The following IPP variants were observed in gnomAD, a reference collection of about 807,000 sequenced individuals.
IPP encodes actin-binding protein IPP.
A neutral mutation model predicts 64.1 loss-of-function variants in IPP; 41 were observed. That is an observed-to-expected ratio of 0.64 (90% CI 0.50 to 0.83). The LOEUF (loss-of-function observed/expected upper bound fraction) is 0.83. IPP is among the 40% of genes least tolerant of loss of function. The pLI is 0.00. For missense variants in IPP, 649 were observed against 703.0 expected (o/e 0.92, Z 0.87); for synonymous variants, 214 against 235.2 (o/e 0.91, Z 0.83).
At chr1:45,694,345 G>T (rs1557733024), downstream of IPP, 1 of 824,700 alleles carries the variant, frequency 1.2e-6, no homozygotes, top group African/African-American at 1.7e-5. Flanking sequence ...TAGTATATTA[G>T]TTTTCACTCA....
intron 4 of IPP, 61 bp downstream of exon 4, chr1:45,729,553 T>TA (rs1462107229): frequency 1.1e-5 from 14 of 1,323,760 alleles, no homozygotes; most frequent in Non-Finnish European, 1.3e-5. Flanking sequence ...AACAAAATAT[T>TA]AAAAAGGTTT....
At chr1:45,698,010 T>A (rs1269745308), downstream of IPP, 1 of 150,984 alleles carries the variant, frequency 6.6e-6, no homozygotes, top group East Asian at 2.0e-4. Flanking sequence ...TAGTTAAATT[T>A]TACTGTATGC....
chr1:45,726,086 A>T lies in IPP; in HGVS notation c.1048+1545T>A, dbSNP rs192476843. Among the ~76,000 whole-genome samples, 21 of 136,840 alleles carry T rather than the reference A, an allele frequency of 1.5e-4. No homozygotes were observed. The East Asian group carries it at 3.0e-3, about 19-fold the overall frequency. The allele number at this position is 136,840 out of a possible 152,430, so 89.8% of individuals were successfully genotyped here. A position where few individuals can be genotyped will look rare whatever the true frequency, so the allele number is the denominator to read the frequency against. ...CGAGAAACACCCAAGAATGATCAAT[A>T]AAAAAAATAAATAAATAAATAAATA... On this transcript the variant is annotated intron_variant, in intron 5 of 8. Transcript: ENST00000396478.
At chr1:45,704,457 T>C (rs893050401) in intron 8 of IPP, among the ~76,000 whole-genome samples, 9 of 152,112 alleles carry the variant, frequency 5.9e-5, no homozygotes, top group African/African-American at 2.2e-4. Flanking sequence ...AAGCTGGTCT[T>C]GAACTCCTGA....
intron 8 of IPP, among the ~76,000 whole-genome samples, chr1:45,707,110 T>C (rs1020669012): frequency 6.6e-6 from 1 of 152,112 alleles, no homozygotes; most frequent in Non-Finnish European, 1.5e-5. Context: ...TATCCAAACA[T>C]GACAGAGATG....
chr1:45,746,749 A>T (rs1053035474), intron 1 of IPP, among the ~76,000 whole-genome samples: 33 of 152,208 alleles, frequency 2.2e-4, no homozygotes, highest in African/African-American at 7.7e-4. Context: ...TGATGGAGTA[A>T]AAAAAATAAT....
chr1:45,729,609 C>T lies in IPP; in HGVS notation c.880+5G>A. Reference sequence around the variant, plus strand: ...TTTCTATTACTTTTTTAAGGGCTCTCTCACCTACTGCATACAGGTACTTTC... The same window carrying T: ...TTTCTATTACTTTTTTAAGGGCTCTTTCACCTACTGCATACAGGTACTTTC... On this transcript the variant is annotated splice_donor_5th_base_variant and intron_variant, in intron 4 of 8. Transcript: ENST00000396478. 1 of 1,604,696 alleles carries T rather than the reference C, an allele frequency of 6.2e-7. No individual in the cohort carries two copies. The highest frequency in any genetic ancestry group is 1.1e-5 in the South Asian group (1 of 88,954).
intron 3 of IPP, 143 bp from the exon 4 acceptor site, chr1:45,729,912 C>A: frequency 1.7e-6 from 1 of 575,270 alleles, no homozygotes; most frequent in Non-Finnish European, 3.0e-6. Flanking sequence ...CCTACAATAC[C>A]AAATATTGGT....
intron 7 of IPP, among the ~76,000 whole-genome samples, chr1:45,715,734 C>T (rs1645649881): frequency 6.6e-6 from 1 of 152,012 alleles, no homozygotes; most frequent in Admixed American, 6.6e-5. Context: ...GAAAAGATAA[C>T]TCACAACCTT....
intron 3 of IPP, among the ~76,000 whole-genome samples, chr1:45,735,916 C>A (rs1645974581): frequency 1.3e-5 from 2 of 150,450 alleles, no homozygotes; most frequent in Admixed American, 1.3e-4. Context: ...TCAAGACCAT[C>A]CTGGCTAACA....
intron 3 of IPP, among the ~76,000 whole-genome samples, 179 bp downstream of exon 3, chr1:45,740,722 C>T (rs1570044776): frequency 1.3e-5 from 2 of 151,916 alleles, no homozygotes; most frequent in South Asian, 4.2e-4. Flanking sequence ...TACTGCCCAC[C>T]CACAGAACAC....
chr1:45,745,354 A>G (rs374901578), intron 2 of IPP, among the ~76,000 whole-genome samples: 2 of 152,216 alleles, frequency 1.3e-5, no homozygotes, highest in African/African-American at 4.8e-5. Context: ...GTAAATACAT[A>G]TAAGTTTTTT....
At chr1:45,729,143 C>CAAAA (rs200570703) in intron 4 of IPP, among the ~76,000 whole-genome samples, 2 of 112,784 alleles carry the variant, frequency 1.8e-5, no homozygotes, top group Admixed American at 1.9e-4. Context: ...AAGACTACCT[C>CAAAA]AAAAAAAAAA....
chr1:45,702,811 A>T (rs1052787303), intron 8 of IPP, among the ~76,000 whole-genome samples: 1 of 152,172 alleles, frequency 6.6e-6, no homozygotes, highest in Non-Finnish European at 1.5e-5. Context: ...TTTCAAAGCC[A>T]TATAGAAAAA....
rs1349532551 is a variant in IPP at position 45,732,248 on chromosome 1, C to G, written c.725-2479G>C. Among the ~76,000 whole-genome samples, 11 of 147,846 alleles carry G rather than the reference C, an allele frequency of 7.4e-5. No individual in the cohort carries two copies. In the South Asian group the frequency reaches 2.3e-3, roughly 31 times the overall value. On this transcript the variant is annotated intron_variant, in intron 3 of 8. Transcript: ENST00000396478. ...TTGTGGTGGGCACATGTAATCCCAC[C>G]CACTTGGGAGGCTGAGGCAGGGAGA...
At chr1:45,744,276 CA>C (rs1646106002) in intron 2 of IPP, among the ~76,000 whole-genome samples, 1 of 152,126 alleles carries the variant, frequency 6.6e-6, no homozygotes, top group African/African-American at 2.4e-5. Context: ...CTCAGCCTTT[CA>C]AATCTTTTTT....
chr1:45,742,852 T>C (rs1191443257), intron 2 of IPP, among the ~76,000 whole-genome samples: 2 of 152,042 alleles, frequency 1.3e-5, no homozygotes, highest in Non-Finnish European at 2.9e-5. Flanking sequence ...TAACCAATAA[T>C]CTATAACATA....
rs546855791 is a variant in IPP at position 45,741,559 on chromosome 1, T to C, written c.293-227A>G. On this transcript the variant is annotated intron_variant, in intron 2 of 8. Coordinates refer to ENST00000396478, the MANE Select transcript of IPP (RefSeq NM_005897.3). ...ATGAACCAGGTGCAGTATTAATTGC[T>C]TTATATGCTAATTTAACCCTTATTA... is the stretch of plus-strand genomic sequence containing the variant. Among the ~76,000 whole-genome samples, 11 of 152,290 alleles carry C rather than the reference T, an allele frequency of 7.2e-5. No homozygotes were observed. The East Asian group carries it at 2.1e-3, about 29-fold the overall frequency.
intron 8 of IPP, among the ~76,000 whole-genome samples, chr1:45,705,061 G>A (rs1391612359): frequency 2.6e-5 from 4 of 152,248 alleles, no homozygotes; most frequent in Non-Finnish European, 5.9e-5. Context: ...CTCTGCAGAA[G>A]TAGTTACAGA....
Sources: allele counts gnomAD v4.1 joint callset (sites outside exome capture counted in the v4.1 genomes callset), GRCh38; gene constraint gnomAD v4.1.1; transcripts MANE v1.5; gene names NCBI Gene and HGNC (gene_info 2026-07-23, HGNC 2026-07-21).